DAB1: variants seen among roughly 807,000 people sequenced by gnomAD.
DAB1 encodes the protein DAB adaptor protein 1.
In DAB1, 15 loss-of-function variants were observed where a neutral mutation model predicts 64.6. The ratio of observed to expected loss-of-function variants is 0.23; its 90% CI spans 0.16 to 0.36. The LOEUF (loss-of-function observed/expected upper bound fraction) is 0.36. DAB1 is among the 10% of genes least tolerant of loss of function. The probability of loss-of-function intolerance (pLI) is 1.00; values close to 1 mark genes in which losing one functional copy is unlikely to be tolerated. For synonymous variants in DAB1, 235 were observed against 251.9 expected, an observed-to-expected ratio of 0.93 and a Z score of 0.64; for missense variants, 596 against 706.7, an observed-to-expected ratio of 0.84 and a Z score of 1.78.
intron 7 of DAB1, among the ~76,000 whole-genome samples, chr1:57,558,387 TAAC>T (rs759515870): frequency 2.4e-4 from 36 of 152,184 alleles, no homozygotes; most frequent in Admixed American, 7.2e-4. Context: ...TCCAGACCTA[TAAC>T]TAGACTAAAG....
intron 7 of DAB1, among the ~76,000 whole-genome samples, chr1:57,634,063 A>T (rs960992426): frequency 1.3e-5 from 2 of 152,208 alleles, no homozygotes; most frequent in African/African-American, 4.8e-5. Flanking sequence ...GTTAGTGCAG[A>T]AAGGCAGGGA....
Position 57,939,818 on chromosome 1 carries a change from A to G in DAB1, n.388-55656T>C, listed in dbSNP as rs372008102. Among the ~76,000 whole-genome samples, 208 of 152,338 alleles carry G rather than the reference A, an allele frequency of 1.4e-3. 8 individuals are homozygous for G. The South Asian group carries it at 0.041, about 30-fold the overall frequency. On this transcript the variant is annotated intron_variant and non_coding_transcript_variant, in intron 5 of 20. Transcript: ENST00000485760. ...CATGTATTCAGTAAAGAATGAGGCCAGCTTTCCCACTGAGGTCTCATTAGG... is the reference window on the plus strand; with the variant it reads ...CATGTATTCAGTAAAGAATGAGGCCGGCTTTCCCACTGAGGTCTCATTAGG...
At chr1:57,519,750 A>G (rs192772806) in intron 7 of DAB1, among the ~76,000 whole-genome samples, 148 of 152,370 alleles carry the variant, frequency 9.7e-4, no homozygotes, top group Non-Finnish European at 1.7e-3. Flanking sequence ...GCACATTAAT[A>G]CAAAATAAGG....
chr1:58,096,093 C>T (rs1650964024), intron 5 of DAB1, among the ~76,000 whole-genome samples: 2 of 152,160 alleles, frequency 1.3e-5, no homozygotes, highest in Non-Finnish European at 2.9e-5. Flanking sequence ...AAGAGCATTG[C>T]TTAGGTTCTT....
exon 3 of DAB1, chr1:58,506,182 C>T (rs766698422): frequency 5.7e-6 from 5 of 871,794 alleles, no homozygotes; most frequent in Non-Finnish European, 1.0e-5. Flanking sequence ...TGCCAAAACA[C>T]TGAACTGGCT....
chr1:57,059,656 G>A (rs780700685), intron 9 of DAB1, among the ~76,000 whole-genome samples: 1 of 151,894 alleles, frequency 6.6e-6, no homozygotes. Flanking sequence ...TGTGGTATTC[G>A]GTATTACCTC....
chr1:58,057,286 C>G (rs1459779440), intron 5 of DAB1, among the ~76,000 whole-genome samples: 4 of 152,142 alleles, frequency 2.6e-5, no homozygotes, highest in African/African-American at 9.7e-5. Flanking sequence ...TTGGCCACCC[C>G]CATTGTACTG....
chr1:58,163,097 G>A (rs1433321165), intron 4 of DAB1, among the ~76,000 whole-genome samples: 1 of 152,118 alleles, frequency 6.6e-6, no homozygotes, highest in Non-Finnish European at 1.5e-5. Flanking sequence ...TGCGAAAACC[G>A]GGAAGCAAAC....
intron 5 of DAB1, among the ~76,000 whole-genome samples, chr1:58,011,883 G>A (rs1371631143): frequency 6.6e-6 from 1 of 152,082 alleles, no homozygotes. Context: ...TAGAGACAGG[G>A]TTTTGCTATG....
At chr1:58,108,850 A>G (rs1570362394) in intron 5 of DAB1, among the ~76,000 whole-genome samples, 1 of 152,212 alleles carries the variant, frequency 6.6e-6, no homozygotes, top group Admixed American at 6.5e-5. Context: ...GCTGAGAATG[A>G]GACTGACAGC....
chr1:57,269,137 G>C (rs2100583348), intron 2 of DAB1, among the ~76,000 whole-genome samples: 1 of 152,196 alleles, frequency 6.6e-6, no homozygotes, highest in East Asian at 1.9e-4. Flanking sequence ...AGAGGTAGAA[G>C]TGCTGGACTT....
At chr1:58,216,435 G>C (rs1658859350) in intron 4 of DAB1, among the ~76,000 whole-genome samples, 2 of 152,114 alleles carry the variant, frequency 1.3e-5, no homozygotes, top group Admixed American at 1.3e-4. Context: ...ATCATTGATG[G>C]GCATTTGGGT....
At chr1:58,157,773 A>G (rs1208457627) in intron 4 of DAB1, among the ~76,000 whole-genome samples, 1 of 152,116 alleles carries the variant, frequency 6.6e-6, no homozygotes, top group African/African-American at 2.4e-5. Flanking sequence ...TTAGTCCATG[A>G]TCCTTCTACT....
chr1:58,084,799 A>G (rs2100599146), intron 5 of DAB1, among the ~76,000 whole-genome samples: 1 of 149,660 alleles, frequency 6.7e-6, no homozygotes, highest in South Asian at 2.1e-4. Context: ...AATTATATAT[A>G]TACACACATA....
chr1:58,491,850 G>T (rs1178405124), intron 3 of DAB1, among the ~76,000 whole-genome samples: 1 of 152,172 alleles, frequency 6.6e-6, no homozygotes, highest in East Asian at 1.9e-4. Flanking sequence ...ACATTAGACA[G>T]ATCAATGAGA....
At chr1:58,198,140 C>T (rs1178940824) in intron 4 of DAB1, among the ~76,000 whole-genome samples, 1 of 152,162 alleles carries the variant, frequency 6.6e-6, no homozygotes, top group East Asian at 1.9e-4. Context: ...CAGCTGCATC[C>T]AGGAGAGAGA....
intron 3 of DAB1, among the ~76,000 whole-genome samples, chr1:58,350,983 AT>A (rs1387604564): frequency 6.6e-6 from 1 of 152,128 alleles, no homozygotes; most frequent in Non-Finnish European, 1.5e-5. Context: ...GTTTTTTCTA[AT>A]CCTGTGAAGA....
At chr1:57,677,174 A>G (rs1403097545) in intron 6 of DAB1, among the ~76,000 whole-genome samples, 1 of 152,142 alleles carries the variant, frequency 6.6e-6, no homozygotes, top group African/African-American at 2.4e-5. Context: ...ACAGAAAGAG[A>G]GGCCTTACTA....
chr1:58,287,345 G>A (rs754381432), intron 4 of DAB1, among the ~76,000 whole-genome samples: 2 of 152,124 alleles, frequency 1.3e-5, no homozygotes, highest in Non-Finnish European at 2.9e-5. Flanking sequence ...AAAGATACAG[G>A]TTTAAAACAA....
Sources: allele counts gnomAD v4.1 joint callset (sites outside exome capture counted in the v4.1 genomes callset), GRCh38; gene constraint gnomAD v4.1.1; transcripts MANE v1.5; gene names NCBI Gene and HGNC (gene_info 2026-07-23, HGNC 2026-07-21).